The following MBOAT2 variants were observed in gnomAD, a reference collection of about 807,000 sequenced individuals.
MBOAT2 encodes membrane bound glycerophospholipid O-acyltransferase 2.
A neutral mutation model predicts 63.4 loss-of-function variants in MBOAT2; 28 were observed. The observed-to-expected ratio is 0.44, with a 90% confidence interval of 0.33 to 0.61. MBOAT2 has a LOEUF of 0.61. MBOAT2 is among the 20% of genes least tolerant of loss of function. The pLI is 0.03. For missense variants in MBOAT2, 470 were observed against 605.8 expected, an observed-to-expected ratio of 0.78 and a Z score of 2.35; for synonymous variants, 211 against 215.6, an observed-to-expected ratio of 0.98 and a Z score of 0.19.
At chr2:8,998,657 T>C (rs994001093) in intron 1 of MBOAT2, among the ~76,000 whole-genome samples, 1 of 151,756 alleles carries the variant, frequency 6.6e-6, no homozygotes, top group African/African-American at 2.4e-5. Flanking sequence ...CAATGAACTG[T>C]CCAAAAAGGA....
At chr2:8,958,697 T>C (rs1198222517) in intron 1 of MBOAT2, 55 bp from the exon 2 acceptor site, 1 of 1,407,516 alleles carries the variant, frequency 7.1e-7, no homozygotes, top group Admixed American at 2.7e-5. Flanking sequence ...ATTTTTCATA[T>C]CATGTTACAT....
chr2:8,991,950 C>T (rs746134626), intron 1 of MBOAT2, among the ~76,000 whole-genome samples: 58 of 152,290 alleles, frequency 3.8e-4, no homozygotes, highest in African/African-American at 1.3e-3. Flanking sequence ...AGAAAACCCA[C>T]GCATCTGCCT....
intron 5 of MBOAT2, among the ~76,000 whole-genome samples, chr2:8,884,821 C>G (rs1018596358): frequency 1.3e-5 from 2 of 152,236 alleles, no homozygotes; most frequent in African/African-American, 4.8e-5. Context: ...TCTACACGCA[C>G]AACAAACCCA....
chr2:8,986,839 C>T (rs780673604), intron 1 of MBOAT2, among the ~76,000 whole-genome samples: 1 of 152,106 alleles, frequency 6.6e-6, no homozygotes, highest in African/African-American at 2.4e-5. Flanking sequence ...AAAGACCACG[C>T]GAGCACACCC....
intron 3 of MBOAT2, among the ~76,000 whole-genome samples, chr2:8,931,565 G>C (rs1342370710): frequency 6.6e-6 from 1 of 152,088 alleles, no homozygotes; most frequent in Non-Finnish European, 1.5e-5. Context: ...AGTTTCTTTT[G>C]CTGTGCAGAA....
intron 4 of MBOAT2, among the ~76,000 whole-genome samples, chr2:8,892,637 G>T (rs978074503): frequency 6.6e-6 from 1 of 152,186 alleles, no homozygotes; most frequent in African/African-American, 2.4e-5. Flanking sequence ...CAGTGTGTCA[G>T]ATGCTGCCAG....
intron 3 of MBOAT2, among the ~76,000 whole-genome samples, chr2:8,916,539 A>G (rs1013090161): frequency 6.6e-6 from 1 of 152,240 alleles, no homozygotes; most frequent in Non-Finnish European, 1.5e-5. Flanking sequence ...AACTATGGGA[A>G]TTAATGAACT....
In MBOAT2 at chr2:8,858,832, T is replaced by C; in HGVS notation, c.1410A>G (p.Arg470=). ...GAATGTTTTCATGTGTATTCTTTCT[T>C]CTTTGAGTTTTTTTCACTGGCAACA... The part of the protein sequence containing the change: ...LLLLPVKKTQ[R]RKNTHENIQL... The change falls in exon 13 of 13, where the codon AGA becomes AGG. Residue 470 remains arginine, a synonymous_variant. Transcript: ENST00000305997. 1 of 1,613,986 alleles carries C rather than the reference T, an allele frequency of 6.2e-7. No homozygotes were observed. The highest frequency in any genetic ancestry group is 8.5e-7 in the Non-Finnish European group (1 of 1,180,000).
At position 8,874,503 on chromosome 2, in the gene MBOAT2, A is replaced by G. The variant is rs114935911; in HGVS notation, c.691-1203T>C. 9.7e-4 allele frequency among the ~76,000 whole-genome samples: 148 copies of G among 152,344 alleles called. 1 individual carries two copies. The highest frequency in any genetic ancestry group is 3.5e-3 in the African/African-American group (144 of 41,574). ...TGAGGCTTATCATTTTAGTAATGTA[A>G]TAAGAAGTACTGTGGCCACGAGACT... On this transcript the variant is annotated intron_variant, in intron 7 of 12. Coordinates refer to ENST00000305997, the MANE Select transcript of MBOAT2 (RefSeq NM_138799.4).
At chr2:8,947,770 T>C (rs1464664245) in intron 2 of MBOAT2, among the ~76,000 whole-genome samples, 1 of 152,194 alleles carries the variant, frequency 6.6e-6, no homozygotes, top group African/African-American at 2.4e-5. Flanking sequence ...TTCCTGCATA[T>C]TGACAATGTA....
intron 5 of MBOAT2, among the ~76,000 whole-genome samples, chr2:8,887,265 C>T (rs989553130): frequency 1.3e-5 from 2 of 152,120 alleles, no homozygotes; most frequent in Non-Finnish European, 2.9e-5. Flanking sequence ...TCCTTCCCTC[C>T]ACCACCCCCT....
intron 1 of MBOAT2, among the ~76,000 whole-genome samples, chr2:8,994,765 G>T (rs1270842988): frequency 6.6e-6 from 1 of 152,164 alleles, no homozygotes; most frequent in Non-Finnish European, 1.5e-5. Flanking sequence ...AAAGGATGGG[G>T]CAAATCTTAA....
At chr2:9,002,527 G>A (rs928380211) in intron 1 of MBOAT2, among the ~76,000 whole-genome samples, 1 of 152,184 alleles carries the variant, frequency 6.6e-6, no homozygotes, top group Non-Finnish European at 1.5e-5. Context: ...TCCAGGTTAA[G>A]TACACTTGAA....
At chr2:8,992,283 C>A (rs1336753871) in intron 1 of MBOAT2, among the ~76,000 whole-genome samples, 1 of 152,180 alleles carries the variant, frequency 6.6e-6, no homozygotes, top group Non-Finnish European at 1.5e-5. Flanking sequence ...ACAGCCAGCA[C>A]CTCTCTCCAT....
chr2:8,968,583 G>A (rs1670188599), intron 1 of MBOAT2, among the ~76,000 whole-genome samples: 1 of 152,212 alleles, frequency 6.6e-6, no homozygotes, highest in Middle Eastern at 3.2e-3. Context: ...ACTTCTCTGA[G>A]CTAAAGGAGG....
intron 3 of MBOAT2, among the ~76,000 whole-genome samples, chr2:8,918,376 C>T (rs1273275323): frequency 1.3e-5 from 2 of 152,112 alleles, no homozygotes; most frequent in Non-Finnish European, 2.9e-5. Flanking sequence ...TGCCTCTAAA[C>T]AATTACAATG....
chr2:8,987,659 G>C lies in MBOAT2; in HGVS notation c.75+15881C>G, dbSNP rs143862013. On this transcript the variant is annotated intron_variant, in intron 1 of 12. Coordinates refer to ENST00000305997, the MANE Select transcript of MBOAT2 (RefSeq NM_138799.4). Reference sequence around the variant, plus strand: ...TAAAGGCTTGCTCACTCACATGTCAGACAGTGGATGCTGGCTGTCATCTGG... The same window carrying C: ...TAAAGGCTTGCTCACTCACATGTCACACAGTGGATGCTGGCTGTCATCTGG... 3.4e-3 allele frequency among the ~76,000 whole-genome samples: 525 copies of C among 152,280 alleles called. 2 individuals are homozygous for C. The highest frequency in any genetic ancestry group is 5.6e-3 in the Admixed American group (85 of 15,294).
chr2:8,876,960 A>G, intron 7 of MBOAT2, 70 bp downstream of exon 7: 1 of 1,398,282 alleles, frequency 7.2e-7, no homozygotes, highest in Non-Finnish European at 9.6e-7. Context: ...CAATGTGAAA[A>G]TATTTGTATC....
chr2:8,884,956 A>G (rs1281699149), intron 5 of MBOAT2, among the ~76,000 whole-genome samples: 1 of 152,212 alleles, frequency 6.6e-6, no homozygotes, highest in Non-Finnish European at 1.5e-5. Flanking sequence ...TGCAGCAAAC[A>G]ATGGGGTATG....
Sources: gnomAD v4.1 joint callset for allele counts (sites outside exome capture counted in the v4.1 genomes callset) on GRCh38, gnomAD v4.1.1 for gene constraint, MANE v1.5 for transcripts, NCBI Gene and HGNC (gene_info 2026-07-23, HGNC 2026-07-21) for gene names.